The following MAPK12 variants were observed in gnomAD, a reference collection of about 807,000 sequenced individuals.
The protein encoded by MAPK12 is MAP kinase 12.
MAPK12 carries 49 observed loss-of-function variants against 49.1 expected under a neutral mutation model. The ratio of observed to expected loss-of-function variants is 1.00; its 90% CI spans 0.79 to 1.27. The LOEUF is 1.27. MAPK12 is among the 50% of genes most tolerant of loss of function. The pLI, the probability that MAPK12 is intolerant of heterozygous loss-of-function variation, is 0.00. For missense variants in MAPK12, 554 were observed against 502.4 expected (o/e 1.10, Z -0.98); for synonymous variants, 251 against 209.7 (o/e 1.20, Z -1.70).
rs759720949 is a variant in MAPK12 at position 50,256,936 on chromosome 22, CTG to C, written c.453_454del (p.His151GlnfsTer15). The C allele has an allele frequency of 6.2e-7, 1 of 1,606,704 alleles. No homozygotes were observed. Among genetic ancestry groups the C allele is most frequent in the African/African-American group, 1.3e-5 (1 of 74,986 alleles). Reference sequence around the variant, plus strand: ...AGCGGCTTCTCCACCGGGACTCACTCTGTGGATGATGCCGGCAGCGTGGATAT... The same window carrying C: ...AGCGGCTTCTCCACCGGGACTCACTCTGGATGATGCCGGCAGCGTGGATAT... On this transcript the variant is annotated frameshift_variant and splice_region_variant, in exon 5 of 12. Transcript: ENST00000215659. LOFTEE classifies it high-confidence loss of function.
intron 2 of MAPK12, among the ~76,000 whole-genome samples, chr22:50,259,515 G>A (rs1200827912): frequency 6.6e-6 from 1 of 152,062 alleles, no homozygotes; most frequent in Non-Finnish European, 1.5e-5. Flanking sequence ...AGCCTCAGCT[G>A]CAGGCCAGGA....
intron 9 of MAPK12, 37 bp downstream of exon 9, chr22:50,255,578 G>GCCCCCCCCCCCCCCCCCCAACC: frequency 6.3e-7 from 1 of 1,582,026 alleles, no homozygotes; most frequent in Non-Finnish European, 8.7e-7. Context: ...GCCCAGGTCC[G>GCCCCCCCCCCCCCCCCCCAACC]CCCCCACCCC....
rs2065214569 is a variant in MAPK12 at position 50,261,546 on chromosome 22, G to C, written c.-37C>G. 9.3e-7 allele frequency: 1 copy of C among 1,073,044 alleles called. No individual in the cohort carries two copies. The highest frequency in any genetic ancestry group is 1.7e-5 in the African/African-American group (1 of 58,480). 66.5% of individuals were successfully genotyped at this position (1,073,044 alleles called of 1,614,324 possible). On this transcript the variant is annotated 5_prime_UTR_variant, in exon 1 of 12. Transcript: ENST00000215659. The stretch of plus-strand genomic sequence containing the variant: ...GAGCTGCCCACCCCGCAGAGCCTGC[G>C]GGCGGTGCCCCCACGACCGGGGACG...
chr22:50,259,467 A>G (rs530068362), intron 2 of MAPK12, among the ~76,000 whole-genome samples: 8 of 152,120 alleles, frequency 5.3e-5, no homozygotes, highest in Non-Finnish European at 8.8e-5. Context: ...GGCCTCACAG[A>G]GCTTCAGTCT....
intron 3 of MAPK12, chr22:50,257,697 T>C (rs2065164633): frequency 1.6e-6 from 1 of 608,602 alleles, no homozygotes; most frequent in Non-Finnish European, 2.9e-6. Context: ...GAATGGTATT[T>C]AGCACCTTCC....
At position 50,256,176 on chromosome 22, in the gene MAPK12, C is replaced by T; in HGVS notation, c.528G>A (p.Arg176=). The change falls in exon 7 of 12, where the codon AGG becomes AGA. Residue 176 remains arginine (R), a synonymous_variant. Coordinates refer to ENST00000215659, the MANE Select transcript of MAPK12 (RefSeq NM_002969.6). ...ELKILDFGLA[R]QADSEMTGYV... ...ACCCAGTCATCTCACTGTCTGCCTG[C>T]CTGGCCAGGCCGAAGTCCAGGATCT... 1 of 1,612,582 alleles carries T rather than the reference C, an allele frequency of 6.2e-7. No homozygotes were observed. Among genetic ancestry groups the T allele is most frequent in the Non-Finnish European group, 8.5e-7 (1 of 1,179,754 alleles).
rs367915097 is a variant in MAPK12, at chr22:50,253,386, G to A, written c.*15C>T. 303 of 1,543,510 alleles carry A rather than the reference G, an allele frequency of 2.0e-4. No homozygotes were observed. The highest frequency in any genetic ancestry group is 2.5e-4 in the Non-Finnish European group (288 of 1,142,790). On this transcript the variant is annotated 3_prime_UTR_variant, in exon 12 of 12. Transcript: ENST00000215659. ...TGAAGGTGGTCCTCACTGCCACCCC[G>A]GAGCCCAGAGATCTTCACAGAGGCG... is the stretch of plus-strand genomic sequence containing the variant.
In MAPK12 at chr22:50,261,179, C is replaced by G; in HGVS notation, c.243G>C (p.Met81Ile). 1 of 1,591,248 alleles carries G rather than the reference C, an allele frequency of 6.3e-7. No individual in the cohort carries two copies. Among genetic ancestry groups the G allele is most frequent in the Non-Finnish European group, 8.5e-7 (1 of 1,169,666 alleles). Residue 81 changes from methionine to isoleucine, a missense_variant, in exon 2 of 12, where the codon ATG becomes ATC. Met to Ile is a conservative substitution (Grantham distance 10, BLOSUM62 1). Transcript: ENST00000215659. ...CCGCGCGACTCACGTTCTCGTGGCG[C>G]ATGTGCTTGAGCAGGCGCAGCTCGC... The part of the protein sequence containing the change: ...AYRELRLLKH[M>I]RHENVIGLLD...
In MAPK12 at chr22:50,255,375, G is replaced by C; in HGVS notation, c.851-5C>G. Reference sequence around the variant, plus strand: ...TCTTCTCCAGGAGGTTCACAGCTGCGGGGGAAGGTGCATCAGGCCAGACCA... The same window carrying C: ...TCTTCTCCAGGAGGTTCACAGCTGCCGGGGAAGGTGCATCAGGCCAGACCA... On this transcript the variant is annotated splice_polypyrimidine_tract_variant and splice_region_variant and intron_variant, in intron 10 of 11. Coordinates refer to ENST00000215659, the MANE Select transcript of MAPK12 (RefSeq NM_002969.6). 6.2e-7 allele frequency: 1 copy of C among 1,612,914 alleles called. No homozygotes were observed. Among genetic ancestry groups the C allele is most frequent in the Non-Finnish European group, 8.5e-7 (1 of 1,179,756 alleles).
chr22:50,255,174 C>T (rs754485710), intron 11 of MAPK12, 23 bp downstream of exon 11: 31 of 1,612,936 alleles, frequency 1.9e-5, no homozygotes, highest in African/African-American at 1.2e-4. Flanking sequence ...CCACACAGGC[C>T]GTGCCAGGAG....
chr22:50,256,122 G>T lies in MAPK12; in HGVS notation c.582C>A (p.Pro194=). 6.2e-7 allele frequency: 1 copy of T among 1,612,722 alleles called. No individual in the cohort carries two copies. Among genetic ancestry groups the T allele is most frequent in the Non-Finnish European group, 8.5e-7 (1 of 1,179,906 alleles). ...AGCGCATCCAATTCAAGATGACCTCGGGAGCCCGGTACCACCGGGTCACCA... is the reference window on the plus strand; with the variant it reads ...AGCGCATCCAATTCAAGATGACCTCTGGAGCCCGGTACCACCGGGTCACCA... ...GYVVTRWYRA[P]EVILNWMRYT... Residue 194 remains proline (P), a synonymous_variant, in exon 7 of 12, where the codon CCC becomes CCA. Transcript: ENST00000215659.
Position 50,256,736 on chromosome 22 carries a change from C to T in MAPK12, c.457-90G>A. ...TGGGTGGCACCTAAAGATGGGGCCACCGGACCTGGCCCCCTTGCTCTCTGC... is the reference window on the plus strand; with the variant it reads ...TGGGTGGCACCTAAAGATGGGGCCATCGGACCTGGCCCCCTTGCTCTCTGC... On this transcript the variant is annotated intron_variant, in intron 5 of 11. Coordinates refer to ENST00000215659, the MANE Select transcript of MAPK12 (RefSeq NM_002969.6). The T allele has an allele frequency of 2.0e-6, 3 of 1,532,420 alleles. No homozygotes were observed. The South Asian group carries it at 3.8e-5, about 20-fold the overall frequency. The allele number at this position is 1,532,420 out of a possible 1,614,324, so 94.9% of individuals were successfully genotyped here.
chr22:50,259,338 G>C (rs1481859451), intron 2 of MAPK12, among the ~76,000 whole-genome samples: 2 of 152,104 alleles, frequency 1.3e-5, no homozygotes, highest in South Asian at 4.1e-4. Context: ...GGTCCTGTGG[G>C]CTAGGGGCCA....
chr22:50,255,580 C>A (rs1468908306), intron 9 of MAPK12, 35 bp downstream of exon 9: 2 of 1,583,720 alleles, frequency 1.3e-6, no homozygotes, highest in Non-Finnish European at 1.7e-6. Flanking sequence ...CCAGGTCCGC[C>A]CCCACCCCCA....
rs1374488579 is a variant in MAPK12, at chr22:50,256,649, G to A, written c.457-3C>T. On this transcript the variant is annotated splice_polypyrimidine_tract_variant and splice_region_variant and intron_variant, in intron 5 of 11. Coordinates refer to ENST00000215659, the MANE Select transcript of MAPK12 (RefSeq NM_002969.6). ...GCCAGGTTGCCGGGCTTCAGGTCCT[G>A]GGGGCAGAGGAAAGGTGGCCACTGT... 2 of 1,610,168 alleles carry A rather than the reference G, an allele frequency of 1.2e-6. No individual in the cohort carries two copies. The highest frequency in any genetic ancestry group is 2.7e-5 in the African/African-American group (2 of 74,990).
Position 50,252,939 on chromosome 22 carries a change from CG to C in MAPK12, c.*461del, listed in dbSNP as rs1037661873. On this transcript the variant is annotated 3_prime_UTR_variant, in exon 12 of 12. Coordinates refer to ENST00000215659, the MANE Select transcript of MAPK12 (RefSeq NM_002969.6). ...AAGGGTCTATTTCCTTCCAGCCACG[CG>C]GGCACCACACAGCTGATTTACATTC... is the stretch of plus-strand genomic sequence containing the variant. The C allele has an allele frequency of 1.3e-5, 3 of 239,148 alleles. No individual in the cohort carries two copies. Among genetic ancestry groups the C allele is most frequent in the Non-Finnish European group, 2.5e-5 (3 of 118,760 alleles). The allele number at this position is 239,148 out of a possible 1,614,324, so 14.8% of individuals were successfully genotyped here.
chr22:50,258,700 C>G (rs2065178290), intron 2 of MAPK12, among the ~76,000 whole-genome samples: 1 of 152,264 alleles, frequency 6.6e-6, no homozygotes, highest in Non-Finnish European at 1.5e-5. Context: ...CAGGCCTCTG[C>G]TGGTGAGGCC....
In MAPK12 at chr22:50,261,449, A is replaced by G; in HGVS notation, c.61T>C (p.Trp21Arg). Residue 21 changes from tryptophan (W) to arginine (R), a missense_variant, in exon 1 of 12, where the codon TGG becomes CGG. By Grantham distance (101) the Trp-to-Arg change is moderately radical. Coordinates refer to ENST00000215659, the MANE Select transcript of MAPK12 (RefSeq NM_002969.6). ...FYRQEVTKTA[W>R]EVRAVYRDLQ... ...TCCCGGTACACGGCGCGCACCTCCC[A>G]GGCCGTCTTGGTCACCTCCTGGCGG... 7.8e-7 allele frequency: 1 copy of G among 1,279,126 alleles called. No homozygotes were observed. Among genetic ancestry groups the G allele is most frequent in the Non-Finnish European group, 1.0e-6 (1 of 989,976 alleles). The allele number at this position is 1,279,126 out of a possible 1,614,324, so 79.2% of individuals were successfully genotyped here. A position where few individuals can be genotyped will look rare whatever the true frequency, so the allele number is the denominator to read the frequency against.
intron 2 of MAPK12, among the ~76,000 whole-genome samples, chr22:50,260,075 G>C (rs547344704): frequency 1.8e-4 from 27 of 151,416 alleles, no homozygotes; most frequent in African/African-American, 6.1e-4. Context: ...GTGTGACGGG[G>C]TGTCGAGGTG....
Sources: gnomAD v4.1 joint callset for allele counts (sites outside exome capture counted in the v4.1 genomes callset) on GRCh38, gnomAD v4.1.1 for gene constraint, MANE v1.5 for transcripts, NCBI Gene and HGNC (gene_info 2026-07-23, HGNC 2026-07-21) for gene names.